The following DBT variants were observed in gnomAD, a reference collection of about 807,000 sequenced individuals.
DBT encodes the protein dihydrolipoamide branched chain transacylase E2, also known as lipoamide acyltransferase component of branched-chain alpha-keto acid dehydrogenase complex, mitochondrial.
A neutral mutation model predicts 51.3 loss-of-function variants in DBT; 40 were observed. The observed-to-expected ratio is 0.78, with a 90% CI of 0.61 to 1.02. The LOEUF is 1.02. Ranked by LOEUF, DBT falls within the 50% of genes least tolerant of loss-of-function variation. The pLI is 0.00. For missense variants in DBT, 510 were observed against 580.2 expected (o/e 0.88, Z 1.24); for synonymous variants, 181 against 190.4 (o/e 0.95, Z 0.41).
At chr1:100,205,665 GCA>G (rs1294039468) in intron 10 of DBT, among the ~76,000 whole-genome samples, 1 of 152,180 alleles carries the variant, frequency 6.6e-6, no homozygotes, top group Non-Finnish European at 1.5e-5. Flanking sequence ...GTTTATTGCA[GCA>G]CTATTCACAA....
At chr1:100,225,043 A>AAAAATG (rs1553231586) in intron 4 of DBT, among the ~76,000 whole-genome samples, 1 of 43,014 alleles carries the variant, frequency 2.3e-5, no homozygotes, top group Non-Finnish European at 4.5e-5. Context: ...AAAAAAAAAA[A>AAAAATG]TATATATATA....
intron 1 of DBT, among the ~76,000 whole-genome samples, chr1:100,243,750 C>T (rs1178513370): frequency 2.0e-5 from 3 of 151,992 alleles, no homozygotes; most frequent in Non-Finnish European, 2.9e-5. Flanking sequence ...GTGGAACAAT[C>T]GAGCTCTGAA....
At chr1:100,248,764 G>T (rs1664709116) in intron 1 of DBT, among the ~76,000 whole-genome samples, 1 of 152,110 alleles carries the variant, frequency 6.6e-6, no homozygotes, top group South Asian at 2.1e-4. Flanking sequence ...CTCTTCTCCT[G>T]GTTATCTCTT....
At chr1:100,199,516 G>A (rs2810425) in intron 10 of DBT, among the ~76,000 whole-genome samples, 1 of 152,078 alleles carries the variant, frequency 6.6e-6, no homozygotes, top group African/African-American at 2.4e-5. Flanking sequence ...AAACAACCCA[G>A]ATCGCCACCA....
intron 1 of DBT, chr1:100,249,392 G>A (rs1052158108): frequency 1.6e-5 from 6 of 363,746 alleles, no homozygotes; most frequent in African/African-American, 1.0e-4. Context: ...GAGGGTAGGG[G>A]TCGTGTTACC....
chr1:100,225,369 ATTTC>A (rs1663131324), intron 4 of DBT, among the ~76,000 whole-genome samples: 1 of 151,982 alleles, frequency 6.6e-6, no homozygotes. Context: ...ACTCAGCATA[ATTTC>A]TTTAAGATTT....
At chr1:100,216,469 G>A (rs1015702027) in intron 5 of DBT, among the ~76,000 whole-genome samples, 4 of 151,942 alleles carry the variant, frequency 2.6e-5, no homozygotes, top group Non-Finnish European at 2.9e-5. Context: ...GTAGAGACAG[G>A]GTCTCACTCT....
chr1:100,196,520 G>A lies in DBT; in HGVS notation c.1282-98C>T, dbSNP rs1466416537. ...AGCTCTAACAATGGTGTAAGATCAG[G>A]CAAACCCTTCTTCCTGTACAGTACA... On this transcript the variant is annotated intron_variant, in intron 10 of 10. Transcript: ENST00000370132. 7 of 1,397,526 alleles carry A rather than the reference G, an allele frequency of 5.0e-6. No homozygotes were observed. In the South Asian group the frequency reaches 6.6e-5, roughly 13 times the overall value. The allele number at this position is 1,397,526 out of a possible 1,614,324, so 86.6% of individuals were successfully genotyped here.
chr1:100,240,366 TTA>T (rs1664138141), intron 2 of DBT, among the ~76,000 whole-genome samples: 1 of 152,108 alleles, frequency 6.6e-6, no homozygotes, highest in African/African-American at 2.4e-5. Context: ...ATTCCCAATA[TTA>T]TAAAGACACA....
intron 4 of DBT, among the ~76,000 whole-genome samples, chr1:100,227,814 A>T (rs938181484): frequency 6.6e-6 from 1 of 152,000 alleles, no homozygotes; most frequent in African/African-American, 2.4e-5. Flanking sequence ...TTTATTTTTT[A>T]ATTTTTAATT....
At chr1:100,199,437 A>G (rs1394065228) in intron 10 of DBT, among the ~76,000 whole-genome samples, 1 of 152,176 alleles carries the variant, frequency 6.6e-6, no homozygotes, top group Non-Finnish European at 1.5e-5. Context: ...TAGATTGGCT[A>G]TATTTGTGAT....
intron 4 of DBT, among the ~76,000 whole-genome samples, chr1:100,227,700 T>C (rs1663302928): frequency 6.6e-6 from 1 of 152,216 alleles, no homozygotes; most frequent in African/African-American, 2.4e-5. Flanking sequence ...TTAGCATCAC[T>C]ATGGCAGTCA....
Position 100,206,645 on chromosome 1 carries a change from T to TA in DBT, c.1018-10dup, listed in dbSNP as rs1287581664. 2 of 1,549,182 alleles carry TA rather than the reference T, an allele frequency of 1.3e-6. No homozygotes were observed. The highest frequency in any genetic ancestry group is 1.8e-6 in the Non-Finnish European group (2 of 1,121,402). On this transcript the variant is annotated splice_polypyrimidine_tract_variant and intron_variant, in intron 8 of 10. Coordinates refer to ENST00000370132, the MANE Select transcript of DBT (RefSeq NM_001918.5). ...CCAATGTTATGAGAAGCCTAAAAAA[T>TA]AAAAAATTGTACAGTAGGGCTTTTA... is the stretch of plus-strand genomic sequence containing the variant.
chr1:100,214,992 CATTAA>C lies in DBT; in HGVS notation c.773-14_773-10del. On this transcript the variant is annotated splice_polypyrimidine_tract_variant and intron_variant, in intron 6 of 10. Coordinates refer to ENST00000370132, the MANE Select transcript of DBT (RefSeq NM_001918.5). ...CATTGCTTTTTGAAAGCCTGAAAAG[CATTAA>C]ATTGTTATTCATTTATTTAAATTCT... 6.3e-7 allele frequency: 1 copy of C among 1,583,520 alleles called. No individual in the cohort carries two copies. The highest frequency in any genetic ancestry group is 1.1e-5 in the South Asian group (1 of 90,250).
At chr1:100,224,748 A>G (rs912032067) in intron 4 of DBT, among the ~76,000 whole-genome samples, 2 of 151,872 alleles carry the variant, frequency 1.3e-5, no homozygotes, top group Non-Finnish European at 2.9e-5. Flanking sequence ...TGGGCATGGT[A>G]GCTCACGCCT....
chr1:100,225,826 CAAAAAAAAAA>C (rs71084809), intron 4 of DBT, among the ~76,000 whole-genome samples: 1 of 86,934 alleles, frequency 1.2e-5, no homozygotes, highest in Non-Finnish European at 2.1e-5. Context: ...CTCCATCTCA[CAAAAAAAAAA>C]AAAAAAAAAA....
chr1:100,245,103 A>AT (rs927013404), intron 1 of DBT, among the ~76,000 whole-genome samples: 1 of 152,002 alleles, frequency 6.6e-6, no homozygotes, highest in Admixed American at 6.5e-5. Flanking sequence ...AGAATTCTAA[A>AT]TTTTTTTTCT....
chr1:100,229,514 A>C (rs569850137), intron 4 of DBT, among the ~76,000 whole-genome samples: 24 of 152,346 alleles, frequency 1.6e-4, no homozygotes, highest in Middle Eastern at 3.4e-3. Flanking sequence ...CTAAACTGGA[A>C]TATTTCACAG....
rs375531256 is a variant in DBT, at chr1:100,196,217, T to C, written c.*38A>G. ...GGCACAGCTAGGGTTTACATACTCT[T>C]TGGAAGCTCAAAAAGTTCAAGAATG... On this transcript the variant is annotated 3_prime_UTR_variant, in exon 11 of 11. Coordinates refer to ENST00000370132, the MANE Select transcript of DBT (RefSeq NM_001918.5). The C allele has an allele frequency of 9.1e-5, 144 of 1,575,266 alleles. No homozygotes were observed. The highest frequency in any genetic ancestry group is 1.1e-5 in the Non-Finnish European group (13 of 1,144,990).
Sources: gnomAD v4.1 joint callset for allele counts (sites outside exome capture counted in the v4.1 genomes callset) on GRCh38, gnomAD v4.1.1 for gene constraint, MANE v1.5 for transcripts, NCBI Gene and HGNC (gene_info 2026-07-23, HGNC 2026-07-21) for gene names.